FAM13A: variants seen among roughly 807,000 people sequenced by gnomAD.
FAM13A encodes the protein family with sequence similarity 13 member A.
In FAM13A, 76 loss-of-function variants were observed where a neutral mutation model predicts 129.6. The ratio of observed to expected loss-of-function variants is 0.59; its 90% confidence interval spans 0.49 to 0.71. The LOEUF is 0.71. Ranked by LOEUF, FAM13A falls within the 30% of genes least tolerant of loss-of-function variation. The pLI is 0.00. For missense variants in FAM13A, 1,108 were observed against 1,249.3 expected (o/e 0.89, Z 1.70); for synonymous variants, 443 against 449.9 (o/e 0.98, Z 0.20).
intron 6 of FAM13A, among the ~76,000 whole-genome samples, chr4:88,856,829 TCATAAGAAGAAATGTGAAATAACAA>T (rs1738596323): frequency 6.6e-6 from 1 of 152,160 alleles, no homozygotes; most frequent in Non-Finnish European, 1.5e-5. Context: ...CTCATAATCT[TCATAAGAAGAAATGTGAAATAACAA>T]AGTATCAGAA....
intron 6 of FAM13A, among the ~76,000 whole-genome samples, chr4:88,900,005 G>A (rs1747023552): frequency 6.6e-6 from 1 of 152,054 alleles, no homozygotes; most frequent in Non-Finnish European, 1.5e-5. Flanking sequence ...TATCAATGCA[G>A]AATAGACCAA....
At chr4:89,047,804 T>TCTTTATAAAAC (rs1771063038) in intron 1 of FAM13A, among the ~76,000 whole-genome samples, 1 of 152,190 alleles carries the variant, frequency 6.6e-6, no homozygotes, top group Non-Finnish European at 1.5e-5. Flanking sequence ...CTTTTATAAT[T>TCTTTATAAAAC]CAATAAAACC....
At chr4:88,774,482 A>G (rs1721291877) in intron 11 of FAM13A, among the ~76,000 whole-genome samples, 1 of 152,170 alleles carries the variant, frequency 6.6e-6, no homozygotes, top group South Asian at 2.1e-4. Flanking sequence ...TTTTTACATT[A>G]TATTTGATAC....
chr4:89,051,076 G>T (rs1771533313), intron 1 of FAM13A, among the ~76,000 whole-genome samples: 2 of 152,184 alleles, frequency 1.3e-5, no homozygotes, highest in Admixed American at 6.5e-5. Context: ...CTACATATGG[G>T]TAATATGCAA....
chr4:88,931,240 C>T (rs1470036083), intron 5 of FAM13A, among the ~76,000 whole-genome samples: 1 of 152,110 alleles, frequency 6.6e-6, no homozygotes, highest in Non-Finnish European at 1.5e-5. Flanking sequence ...ATCTAGGCTA[C>T]TCTCAAAGTG....
intron 4 of FAM13A, among the ~76,000 whole-genome samples, chr4:88,970,497 C>T (rs1429910841): frequency 2.7e-5 from 4 of 150,702 alleles, no homozygotes; most frequent in African/African-American, 9.8e-5. Context: ...TATATAGATA[C>T]ACTATATATA....
At chr4:88,912,280 T>C (rs751493567) in intron 5 of FAM13A, among the ~76,000 whole-genome samples, 16 of 134,880 alleles carry the variant, frequency 1.2e-4, no homozygotes, top group African/African-American at 3.9e-4. Context: ...TGAGGACATA[T>C]AGAGAACAAA....
At chr4:88,870,841 G>A (rs1741260954) in intron 6 of FAM13A, among the ~76,000 whole-genome samples, 1 of 152,328 alleles carries the variant, frequency 6.6e-6, no homozygotes, top group Admixed American at 6.5e-5. Flanking sequence ...AGAACTCTGT[G>A]TAGCCTAACT....
At chr4:88,753,612 T>G in intron 14 of FAM13A, 6 of 921,226 alleles carry the variant, frequency 6.5e-6, no homozygotes, top group Non-Finnish European at 7.8e-6. Flanking sequence ...CAACACAAAA[T>G]GCTTACCTGA....
intron 7 of FAM13A, among the ~76,000 whole-genome samples, chr4:88,848,951 A>G (rs1453088488): frequency 6.6e-6 from 1 of 152,088 alleles, no homozygotes; most frequent in African/African-American, 2.4e-5. Flanking sequence ...ACGTCCTCAC[A>G]TTTGTTGCTT....
At chr4:88,879,391 A>C (rs890029705) in intron 6 of FAM13A, among the ~76,000 whole-genome samples, 8 of 152,234 alleles carry the variant, frequency 5.3e-5, no homozygotes, top group African/African-American at 1.9e-4. Context: ...ATAAGGGTAA[A>C]GAGTTCATGC....
chr4:88,730,472 A>G (rs1276389609), intron 23 of FAM13A, among the ~76,000 whole-genome samples: 3 of 152,120 alleles, frequency 2.0e-5, no homozygotes, highest in Non-Finnish European at 4.4e-5. Flanking sequence ...GGCTCACTGC[A>G]ACCTTGGCCT....
intron 6 of FAM13A, among the ~76,000 whole-genome samples, chr4:88,905,141 G>GT (rs1162183747): frequency 3.9e-5 from 6 of 152,062 alleles, no homozygotes. Context: ...TTATATGTAA[G>GT]TATGTATGTG....
chr4:89,047,371 A>G (rs1234659919), intron 1 of FAM13A, among the ~76,000 whole-genome samples: 4 of 152,180 alleles, frequency 2.6e-5, no homozygotes, highest in Non-Finnish European at 5.9e-5. Flanking sequence ...TATCACAACA[A>G]GAAAATTAAA....
At chr4:88,840,473 T>C (rs951620468) in intron 7 of FAM13A, among the ~76,000 whole-genome samples, 3 of 152,142 alleles carry the variant, frequency 2.0e-5, no homozygotes, top group Non-Finnish European at 2.9e-5. Flanking sequence ...AAAGTGATGA[T>C]ATAAAGGATG....
intron 6 of FAM13A, among the ~76,000 whole-genome samples, chr4:88,877,658 A>G (rs1742782325): frequency 6.6e-6 from 1 of 152,130 alleles, no homozygotes; most frequent in Non-Finnish European, 1.5e-5. Flanking sequence ...TCTACTGTCT[A>G]TTTTTGGTTT....
At chr4:88,934,570 C>G (rs1289189890) in intron 5 of FAM13A, among the ~76,000 whole-genome samples, 1 of 152,142 alleles carries the variant, frequency 6.6e-6, no homozygotes, top group African/African-American at 2.4e-5. Flanking sequence ...CTAGAATTAT[C>G]CTGCAGCTGG....
intron 1 of FAM13A, among the ~76,000 whole-genome samples, chr4:89,037,214 G>A (rs1769500537): frequency 6.6e-6 from 1 of 152,232 alleles, no homozygotes; most frequent in East Asian, 1.9e-4. Flanking sequence ...CTGAGGTGCT[G>A]TACCCTATAG....
rs1766633703 is a variant in FAM13A, at chr4:89,017,346, T to C, written c.427+3114A>G. Among the ~76,000 whole-genome samples the C allele has an allele frequency of 2.0e-5, 3 of 152,026 alleles. No homozygotes were observed. In the South Asian group the frequency reaches 6.2e-4, roughly 32 times the overall value. On this transcript the variant is annotated intron_variant, in intron 3 of 23. Coordinates refer to ENST00000264344, the MANE Select transcript of FAM13A (RefSeq NM_014883.4). Reference sequence around the variant, plus strand: ...ACCTAAAGGCTGACTATACAATGAGTCTTGCTTTTAGAATGATACTGCTTG... The same window carrying C: ...ACCTAAAGGCTGACTATACAATGAGCCTTGCTTTTAGAATGATACTGCTTG...
Sources: gnomAD v4.1 joint callset for allele counts (sites outside exome capture counted in the v4.1 genomes callset) on GRCh38, gnomAD v4.1.1 for gene constraint, MANE v1.5 for transcripts, NCBI Gene and HGNC (gene_info 2026-07-23, HGNC 2026-07-21) for gene names.